The following EMSY variants were observed in gnomAD, a reference collection of about 807,000 sequenced individuals.
EMSY encodes the protein EMSY transcriptional repressor, BRCA2 interacting, also known as BRCA2-interacting transcriptional repressor EMSY.
In EMSY, 26 loss-of-function variants were observed where a neutral mutation model predicts 134.6. The ratio of observed to expected loss-of-function variants is 0.19; its 90% CI spans 0.14 to 0.27. The LOEUF (loss-of-function observed/expected upper bound fraction) is 0.27. EMSY is among the 10% of genes least tolerant of loss of function. EMSY has a pLI of 1.00. For missense variants in EMSY, 1,305 were observed against 1,611.4 expected, an observed-to-expected ratio of 0.81 and a Z score of 3.26; for synonymous variants, 579 against 577.8, an observed-to-expected ratio of 1.00 and a Z score of -0.03.
At position 76,509,443 on chromosome 11, in the gene EMSY, A is replaced by G. The variant is rs182932985; in HGVS notation, c.1364-3943A>G. ...AGGAAGTGGAGGTTGCAGTGAACCA[A>G]GATTGCACCACTGCACTCCAGCCTG... On this transcript the variant is annotated intron_variant, in intron 9 of 20. Transcript: ENST00000334736. Among the ~76,000 whole-genome samples the G allele has an allele frequency of 1.9e-3, 292 of 152,354 alleles. 2 individuals are homozygous for G. The highest frequency in any genetic ancestry group is 0.017 in the Admixed American group (264 of 15,298).
intron 17 of EMSY, 59 bp from the exon 19 acceptor site, chr11:76,542,157 A>T: frequency 6.3e-7 from 1 of 1,585,148 alleles, no homozygotes; most frequent in Non-Finnish European, 8.7e-7. Flanking sequence ...TAAAATGACT[A>T]CTGGTTACAG....
In EMSY at chr11:76,547,144, G is replaced by C. The variant is rs890822637; in HGVS notation, c.3774+847G>C. On this transcript the variant is annotated intron_variant, in intron 20 of 20. Coordinates refer to ENST00000334736, the Ensembl canonical transcript of EMSY. Reference sequence around the variant, plus strand: ...GACATTTGTCATTCTTTGCTAAACAGATATATAGCTTGGAAGGTATCAGAA... The same window carrying C: ...GACATTTGTCATTCTTTGCTAAACACATATATAGCTTGGAAGGTATCAGAA... The C allele has an allele frequency of 6.8e-6, 3 of 440,218 alleles. No homozygotes were observed. In the Admixed American group the frequency reaches 7.7e-5, roughly 11 times the overall value. The allele number at this position is 440,218 out of a possible 1,614,324, so 27.3% of individuals were successfully genotyped here. A position where few individuals can be genotyped will look rare whatever the true frequency, so the allele number is the denominator to read the frequency against.
chr11:76,520,949 G>A (rs561166184), intron 11 of EMSY, among the ~76,000 whole-genome samples: 1 of 152,172 alleles, frequency 6.6e-6, no homozygotes, highest in Admixed American at 6.5e-5. Flanking sequence ...GCCTATAGAA[G>A]AAGAACTTGA....
intron 4 of EMSY, 141 bp from the exon 6 acceptor site, chr11:76,458,042 C>T (rs1489342581): frequency 1.7e-6 from 1 of 586,576 alleles, no homozygotes; most frequent in African/African-American, 1.9e-5. Context: ...TAATTTTGAT[C>T]TTGCTTGCTT....
chr11:76,544,767 C>A (rs752960114), exon 19 of EMSY: 1 of 1,614,118 alleles, frequency 6.2e-7, no homozygotes, highest in Non-Finnish European at 8.5e-7. Context: ...CAACCCCAAA[C>A]CCCCCAGAGC....
At chr11:76,507,568 G>T (rs913513161) in intron 9 of EMSY, among the ~76,000 whole-genome samples, 3 of 152,080 alleles carry the variant, frequency 2.0e-5, no homozygotes, top group African/African-American at 7.2e-5. Flanking sequence ...AACCACATTC[G>T]TTGTTCATCC....
chr11:76,480,472 T>C (rs1021041457), intron 8 of EMSY, among the ~76,000 whole-genome samples: 16 of 152,250 alleles, frequency 1.1e-4, no homozygotes, highest in African/African-American at 3.9e-4. Flanking sequence ...TCTTGATGAC[T>C]GTTCTCATCT....
exon 21 of EMSY, chr11:76,550,087 A>G: frequency 6.2e-7 from 1 of 1,613,832 alleles, no homozygotes; most frequent in Non-Finnish European, 8.5e-7. Flanking sequence ...GGACATAGAC[A>G]GTAGCACGGA....
chr11:76,509,014 C>T (rs1783404561), intron 9 of EMSY, among the ~76,000 whole-genome samples: 1 of 152,096 alleles, frequency 6.6e-6, no homozygotes, highest in Non-Finnish European at 1.5e-5. Flanking sequence ...TGATTAAGTA[C>T]ATCATCTTAC....
intron 8 of EMSY, among the ~76,000 whole-genome samples, chr11:76,483,783 C>A (rs558955901): frequency 1.3e-5 from 2 of 152,142 alleles, no homozygotes; most frequent in Admixed American, 6.5e-5. Flanking sequence ...GACTTAGACT[C>A]CCACACAATA....
intron 20 of EMSY, among the ~76,000 whole-genome samples, chr11:76,547,733 T>C (rs1375048678): frequency 1.7e-4 from 26 of 152,244 alleles, no homozygotes; most frequent in Admixed American, 1.7e-3. Context: ...ATTCCTATAC[T>C]CACTAAATTA....
chr11:76,495,467 C>T (rs967007878), intron 8 of EMSY, among the ~76,000 whole-genome samples: 2 of 152,002 alleles, frequency 1.3e-5, no homozygotes, highest in African/African-American at 4.8e-5. Context: ...GATGAAAAAC[C>T]TGCGAGAGGG....
At chr11:76,513,161 A>G (rs541824578) in intron 9 of EMSY, among the ~76,000 whole-genome samples, 1 of 152,260 alleles carries the variant, frequency 6.6e-6, no homozygotes, top group African/African-American at 2.4e-5. Context: ...GTTTTTCTTT[A>G]TGAAGTTTGT....
At chr11:76,539,685 T>C (rs746680545) in intron 17 of EMSY, 45 bp downstream of exon 18, 12 of 1,590,244 alleles carry the variant, frequency 7.5e-6, no homozygotes, top group Non-Finnish European at 1.0e-5. Context: ...AGGTAAAAGA[T>C]GATTGTTTTG....
intron 8 of EMSY, among the ~76,000 whole-genome samples, chr11:76,494,692 TTCC>T (rs1479253817): frequency 2.6e-5 from 3 of 115,720 alleles, no homozygotes; most frequent in East Asian, 2.9e-4. Context: ...CCTTCCTTCC[TTCC>T]TTCCTTCCTT....
At chr11:76,459,177 CCA>C (rs1948002579) in intron 5 of EMSY, 5 of 152,178 alleles carry the variant, frequency 3.3e-5, no homozygotes, top group Admixed American at 3.3e-4. Flanking sequence ...TACAGAGTTT[CCA>C]CTAGTCAAAT....
intron 8 of EMSY, among the ~76,000 whole-genome samples, chr11:76,487,053 G>A (rs979377003): frequency 5.9e-5 from 9 of 152,188 alleles, no homozygotes; most frequent in Admixed American, 3.9e-4. Context: ...TGAGGCAGGC[G>A]GATCACTAGA....
intron 11 of EMSY, among the ~76,000 whole-genome samples, chr11:76,517,175 C>T (rs776977421): frequency 6.6e-6 from 1 of 151,818 alleles, no homozygotes; most frequent in Non-Finnish European, 1.5e-5. Flanking sequence ...GATTGAAGTT[C>T]CTGGCAGTAA....
Position 76,458,154 on chromosome 11 carries a change from C to T in EMSY, c.246-29C>T, listed in dbSNP as rs768263612. On this transcript the variant is annotated intron_variant, in intron 4 of 20. Transcript: ENST00000334736. Reference sequence around the variant, plus strand: ...GATTTGTTTTTAGTGATTGAAAACCCTTGTAGCAGCGCTTTCTTTTTTGTT... The same window carrying T: ...GATTTGTTTTTAGTGATTGAAAACCTTTGTAGCAGCGCTTTCTTTTTTGTT... 19 of 1,568,578 alleles carry T rather than the reference C, an allele frequency of 1.2e-5. No individual in the cohort carries two copies. In the South Asian group the frequency reaches 2.0e-4, roughly 17 times the overall value.
Sources: gnomAD v4.1 joint callset for allele counts (sites outside exome capture counted in the v4.1 genomes callset) on GRCh38, gnomAD v4.1.1 for gene constraint, MANE v1.5 for transcripts, NCBI Gene and HGNC (gene_info 2026-07-23, HGNC 2026-07-21) for gene names.